Variants in POU2F1 observed in about 807,000 individuals in gnomAD.
POU2F1 encodes POU domain, class 2, transcription factor 1.
In POU2F1, 16 loss-of-function variants were observed where a neutral mutation model predicts 84.9. That is an observed-to-expected ratio of 0.19 (90% confidence interval 0.13 to 0.29). The LOEUF is 0.29. Ranked by LOEUF, POU2F1 falls within the 10% of genes least tolerant of loss-of-function variation. POU2F1 has a pLI of 1.00. For missense variants in POU2F1, 738 were observed against 942.6 expected (o/e 0.78, Z 2.84); for synonymous variants, 368 against 368.3 (o/e 1.00, Z 0.01).
chr1:167,426,965 A>G lies in POU2F1; in HGVS notation c.*11155A>G, dbSNP rs1650987380. The stretch of plus-strand genomic sequence containing the variant: ...GAATATTTTCTAAGAATCAGCTGAT[A>G]ACTTGCGTGCTGGACCTTGTTATCT... On this transcript the variant is annotated 3_prime_UTR_variant, in exon 16 of 16. Coordinates refer to ENST00000367866, the MANE Select transcript of POU2F1 (RefSeq NM_002697.4). 6.6e-6 allele frequency: 1 copy of G among 152,196 alleles called. No homozygotes were observed. Among genetic ancestry groups the G allele is most frequent in the South Asian group, 2.1e-4 (1 of 4,824 alleles). 9.4% of individuals were successfully genotyped at this position (152,196 alleles called of 1,614,324 possible). A position where few individuals can be genotyped will look rare whatever the true frequency, so the allele number is the denominator to read the frequency against.
chr1:167,235,345 TAGAA>T (rs1340166684), intron 1 of POU2F1, among the ~76,000 whole-genome samples: 2 of 152,202 alleles, frequency 1.3e-5, no homozygotes, highest in East Asian at 1.9e-4. Flanking sequence ...CATCATTAGT[TAGAA>T]AGGAATTGGT....
At chr1:167,395,856 T>C (rs1290219229) in intron 9 of POU2F1, among the ~76,000 whole-genome samples, 7 of 152,204 alleles carry the variant, frequency 4.6e-5, no homozygotes, top group Non-Finnish European at 1.0e-4. Flanking sequence ...CATGTAGGCC[T>C]AGGCTTCCCA....
intron 5 of POU2F1, among the ~76,000 whole-genome samples, chr1:167,373,208 C>T (rs1660121706): frequency 6.6e-6 from 1 of 152,142 alleles, no homozygotes; most frequent in Non-Finnish European, 1.5e-5. Context: ...AGTGACTGTA[C>T]ATATACTTCA....
intron 9 of POU2F1, among the ~76,000 whole-genome samples, chr1:167,393,918 A>G (rs1011419326): frequency 6.6e-6 from 1 of 152,252 alleles, no homozygotes; most frequent in Non-Finnish European, 1.5e-5. Flanking sequence ...TATGTGATAC[A>G]CAATGCATAA....
chr1:167,420,184 T>G lies in POU2F1; in HGVS notation c.*4374T>G, dbSNP rs1650557252. ...AATTCATGTCTTTTTTTTTTTTTTT[T>G]TTCTGGTCTTGCTCTGTTGCCTAGG... On this transcript the variant is annotated 3_prime_UTR_variant, in exon 16 of 16. Coordinates refer to ENST00000367866, the MANE Select transcript of POU2F1 (RefSeq NM_002697.4). 1 of 151,162 alleles carries G rather than the reference T, an allele frequency of 6.6e-6. No homozygotes were observed. Among genetic ancestry groups the G allele is most frequent in the African/African-American group, 2.4e-5 (1 of 40,902 alleles). The allele number at this position is 151,162 out of a possible 1,614,324, so 9.4% of individuals were successfully genotyped here. A position where few individuals can be genotyped will look rare whatever the true frequency, so the allele number is the denominator to read the frequency against.
At chr1:167,308,039 C>T (rs1196343922) in intron 1 of POU2F1, among the ~76,000 whole-genome samples, 1 of 151,122 alleles carries the variant, frequency 6.6e-6, no homozygotes, top group Non-Finnish European at 1.5e-5. Flanking sequence ...TTATTGCATC[C>T]TTTCAGGTGG....
At chr1:167,305,263 C>G (rs1476547227) in intron 1 of POU2F1, among the ~76,000 whole-genome samples, 3 of 151,956 alleles carry the variant, frequency 2.0e-5, no homozygotes, top group African/African-American at 7.3e-5. Context: ...TCTCCACTCA[C>G]TGCAGCCTCC....
At chr1:167,314,597 G>A (rs1292655698) in intron 1 of POU2F1, among the ~76,000 whole-genome samples, 1 of 151,852 alleles carries the variant, frequency 6.6e-6, no homozygotes, top group Non-Finnish European at 1.5e-5. Flanking sequence ...GGCCACACAG[G>A]GACACCCTGT....
At chr1:167,359,316 T>C (rs569699390) in intron 2 of POU2F1, among the ~76,000 whole-genome samples, 2 of 152,324 alleles carry the variant, frequency 1.3e-5, no homozygotes, top group South Asian at 2.1e-4. Context: ...GCAAACCTAG[T>C]ACCGTAGGTA....
chr1:167,422,924 A>T lies in POU2F1; in HGVS notation c.*7114A>T, dbSNP rs1474731122. ...TTCTTGGTTATCCTGGCTTTGGAAA[A>T]GAGATTTATTTTGTTTTGCTCTGCT... On this transcript the variant is annotated 3_prime_UTR_variant, in exon 16 of 16. Coordinates refer to ENST00000367866, the MANE Select transcript of POU2F1 (RefSeq NM_002697.4). 1 of 152,164 alleles carries T rather than the reference A, an allele frequency of 6.6e-6. No individual in the cohort carries two copies. The highest frequency in any genetic ancestry group is 1.5e-5 in the Non-Finnish European group (1 of 68,022). The allele number at this position is 152,164 out of a possible 1,614,324, so 9.4% of individuals were successfully genotyped here. A position where few individuals can be genotyped will look rare whatever the true frequency, so the allele number is the denominator to read the frequency against.
chr1:167,286,352 G>T (rs1653525481), intron 1 of POU2F1, among the ~76,000 whole-genome samples: 1 of 152,074 alleles, frequency 6.6e-6, no homozygotes, highest in African/African-American at 2.4e-5. Context: ...CATTGCTCCT[G>T]AGTTACTGTC....
At chr1:167,306,567 T>G (rs374537553) in intron 1 of POU2F1, among the ~76,000 whole-genome samples, 28 of 152,104 alleles carry the variant, frequency 1.8e-4, no homozygotes, top group African/African-American at 6.0e-4. Flanking sequence ...ATGAGAAAAT[T>G]AAGGTTCAGA....
chr1:167,378,845 C>T (rs571720591), intron 7 of POU2F1, among the ~76,000 whole-genome samples: 75 of 151,724 alleles, frequency 4.9e-4, no homozygotes, highest in Non-Finnish European at 8.5e-4. Flanking sequence ...CTCTGCCTCG[C>T]GAGTTCAAGC....
intron 1 of POU2F1, among the ~76,000 whole-genome samples, chr1:167,270,016 G>A (rs935380937): frequency 1.3e-4 from 19 of 151,618 alleles, no homozygotes; most frequent in Middle Eastern, 3.4e-3. Flanking sequence ...TTAACATTTA[G>A]TGACCACCTT....
At chr1:167,299,894 G>T (rs1328691008) in intron 1 of POU2F1, among the ~76,000 whole-genome samples, 1 of 152,092 alleles carries the variant, frequency 6.6e-6, no homozygotes, top group Non-Finnish European at 1.5e-5. Flanking sequence ...GTAGGTGTGA[G>T]GTAGGGGCCA....
At chr1:167,273,493 A>G (rs746141430) in intron 1 of POU2F1, among the ~76,000 whole-genome samples, 1 of 152,238 alleles carries the variant, frequency 6.6e-6, no homozygotes, top group Non-Finnish European at 1.5e-5. Flanking sequence ...AAATCTAGGC[A>G]GGAGCTCCCA....
chr1:167,327,230 C>T (rs1204081932), intron 1 of POU2F1, among the ~76,000 whole-genome samples: 1 of 152,212 alleles, frequency 6.6e-6, no homozygotes, highest in Non-Finnish European at 1.5e-5. Flanking sequence ...CATCACATTC[C>T]TCCAGTCCAC....
chr1:167,354,206 A>G (rs1658784028), intron 2 of POU2F1, among the ~76,000 whole-genome samples: 1 of 152,204 alleles, frequency 6.6e-6, no homozygotes, highest in African/African-American at 2.4e-5. Flanking sequence ...GGCTTTTGCT[A>G]TTACAAATAA....
intron 1 of POU2F1, among the ~76,000 whole-genome samples, chr1:167,225,318 A>G (rs1341822814): frequency 6.6e-6 from 1 of 152,160 alleles, no homozygotes; most frequent in East Asian, 1.9e-4. Flanking sequence ...TCATTTTGTC[A>G]TTGTCAAAAA....
Sources: gnomAD v4.1 joint callset for allele counts (sites outside exome capture counted in the v4.1 genomes callset) on GRCh38, gnomAD v4.1.1 for gene constraint, MANE v1.5 for transcripts, NCBI Gene and HGNC (gene_info 2026-07-23, HGNC 2026-07-21) for gene names.